Variants in HIBADH observed in about 807,000 individuals in gnomAD.
The protein encoded by HIBADH is 3-hydroxyisobutyrate dehydrogenase, mitochondrial.
A neutral mutation model predicts 36.1 loss-of-function variants in HIBADH; 25 were observed. The observed-to-expected ratio is 0.69, with a 90% CI of 0.50 to 0.97. The LOEUF (loss-of-function observed/expected upper bound fraction) is 0.97, where lower values mean the gene tolerates loss of function less well. Ranked by LOEUF, HIBADH falls within the 50% of genes least tolerant of loss-of-function variation. The probability of loss-of-function intolerance (pLI) is 0.00; values close to 1 mark genes in which losing one functional copy is unlikely to be tolerated. For missense variants in HIBADH, 421 were observed against 418.0 expected, an observed-to-expected ratio of 1.01 and a Z score of -0.06; for synonymous variants, 160 against 149.5, an observed-to-expected ratio of 1.07 and a Z score of -0.51.
chr7:27,643,603 A>G (rs548622117), intron 2 of HIBADH, among the ~76,000 whole-genome samples: 1 of 152,322 alleles, frequency 6.6e-6, no homozygotes, highest in South Asian at 2.1e-4. Context: ...TTCAAAACCT[A>G]CACATTTTGT....
At chr7:27,653,178 A>G (rs1164414692) in intron 1 of HIBADH, among the ~76,000 whole-genome samples, 1 of 152,204 alleles carries the variant, frequency 6.6e-6, no homozygotes, top group East Asian at 1.9e-4. Flanking sequence ...GGGGACATAA[A>G]ATTTCAGTCC....
chr7:27,660,203 G>T (rs1283845848), intron 1 of HIBADH, among the ~76,000 whole-genome samples: 1 of 152,070 alleles, frequency 6.6e-6, no homozygotes, highest in Non-Finnish European at 1.5e-5. Context: ...ATATCCAACA[G>T]AATTCAGAAC....
chr7:27,562,828 T>G (rs1784487129), intron 4 of HIBADH, among the ~76,000 whole-genome samples: 1 of 152,234 alleles, frequency 6.6e-6, no homozygotes, highest in Non-Finnish European at 1.5e-5. Flanking sequence ...CCTTTAGATG[T>G]TCTTTTAATG....
chr7:27,613,087 T>C (rs1785353461), intron 4 of HIBADH, among the ~76,000 whole-genome samples: 2 of 121,986 alleles, frequency 1.6e-5, no homozygotes, highest in Non-Finnish European at 3.3e-5. Flanking sequence ...ATAAAAATTA[T>C]ATAAATTATA....
At chr7:27,589,840 C>T (rs1354588057) in intron 4 of HIBADH, among the ~76,000 whole-genome samples, 2 of 152,142 alleles carry the variant, frequency 1.3e-5, no homozygotes, top group East Asian at 3.9e-4. Context: ...AGTCATACAA[C>T]TAGTAAGTGA....
rs774507604 is a variant in HIBADH, at chr7:27,649,554, A to C, written c.171T>G (p.Asn57Lys). The C allele has an allele frequency of 1.7e-5, 28 of 1,613,800 alleles. No individual in the cohort carries two copies. The highest frequency in any genetic ancestry group is 2.4e-5 in the Non-Finnish European group (28 of 1,179,890). ...TAAGTGGATAGCCATGTTTCATGAG[A>C]TTTTTTGCCATTGGATTCCCCATGT... The part of the protein sequence containing the change: ...LGNMGNPMAK[N>K]LMKHGYPLII... Residue 57 changes from asparagine to lysine, a missense_variant, in exon 2 of 8, where the codon AAT becomes AAG. Physicochemically the swap from Asn to Lys is moderately conservative, Grantham distance 94. Coordinates refer to ENST00000265395, the MANE Select transcript of HIBADH (RefSeq NM_152740.4).
At chr7:27,541,601 A>G in intron 5 of HIBADH, 1 of 265,454 alleles carries the variant, frequency 3.8e-6, no homozygotes, top group Non-Finnish European at 7.3e-6. Flanking sequence ...TGGAGGGCAA[A>G]CGCAGCCGCA....
chr7:27,558,371 T>C (rs1012718843), intron 4 of HIBADH, among the ~76,000 whole-genome samples: 1 of 152,274 alleles, frequency 6.6e-6, no homozygotes, highest in Non-Finnish European at 1.5e-5. Context: ...TCGGTCACCC[T>C]GGCTGGAGTG....
intron 2 of HIBADH, among the ~76,000 whole-genome samples, chr7:27,638,306 G>A (rs1166305816): frequency 2.2e-3 from 24 of 10,916 alleles, no homozygotes; most frequent in African/African-American, 3.2e-3. Context: ...CTTTGGCAAA[G>A]TCAAAAAAAA....
At chr7:27,544,153 T>C (rs1784199283) in intron 4 of HIBADH, among the ~76,000 whole-genome samples, 1 of 152,220 alleles carries the variant, frequency 6.6e-6, no homozygotes, top group Non-Finnish European at 1.5e-5. Context: ...CAGCTGCAGG[T>C]AATGGCCTGC....
chr7:27,576,678 T>A (rs968617880), intron 4 of HIBADH, among the ~76,000 whole-genome samples: 4 of 152,216 alleles, frequency 2.6e-5, no homozygotes, highest in African/African-American at 9.7e-5. Flanking sequence ...GAAATATTCC[T>A]TTTTCCTATA....
At chr7:27,650,504 A>ATTTT (rs533986352) in intron 1 of HIBADH, among the ~76,000 whole-genome samples, 3 of 92,970 alleles carry the variant, frequency 3.2e-5, no homozygotes, top group Non-Finnish European at 4.8e-5. Context: ...TTATTTATTT[A>ATTTT]TTTTTTGAGA....
intron 4 of HIBADH, among the ~76,000 whole-genome samples, chr7:27,579,599 C>T (rs1170205768): frequency 1.3e-5 from 2 of 152,178 alleles, no homozygotes; most frequent in Non-Finnish European, 2.9e-5. Context: ...ACCATTACTT[C>T]GTATTATTAC....
chr7:27,617,471 A>G (rs530523951), intron 4 of HIBADH, among the ~76,000 whole-genome samples: 30 of 152,314 alleles, frequency 2.0e-4, no homozygotes, highest in African/African-American at 7.0e-4. Flanking sequence ...AAACTCAGTT[A>G]CCTGGTTGAA....
chr7:27,657,099 T>C (rs1288516679), intron 1 of HIBADH, among the ~76,000 whole-genome samples: 1 of 152,054 alleles, frequency 6.6e-6, no homozygotes, highest in Non-Finnish European at 1.5e-5. Flanking sequence ...GAAAATGTAA[T>C]GGGGAATAAA....
intron 4 of HIBADH, among the ~76,000 whole-genome samples, chr7:27,556,041 TTTAAC>T (rs1784384355): frequency 6.6e-6 from 1 of 152,192 alleles, no homozygotes; most frequent in African/African-American, 2.4e-5. Context: ...CAGAAAGGAT[TTTAAC>T]TTAATGCAAA....
rs3219776 is a variant in HIBADH at position 27,595,579 on chromosome 7, GGTGTGTGTGTGTGTGTGTGTGT to G, written c.484+33770_484+33791del. ...ATACAGTGTAATTTCCATAAGGGCAGGTGTGTGTGTGTGTGTGTGTGTGTGTGTGTGTGTGTGTGTGTGTGAA... is the reference window on the plus strand; with the variant it reads ...ATACAGTGTAATTTCCATAAGGGCAGGTGTGTGTGTGTGTGTGTGTGTGAA... On this transcript the variant is annotated intron_variant, in intron 4 of 7. Transcript: ENST00000265395. 1.6e-3 allele frequency among the ~76,000 whole-genome samples: 230 copies of G among 143,436 alleles called. 2 individuals carry two copies. Among genetic ancestry groups the G allele is most frequent in the South Asian group, 0.013 (58 of 4,306 alleles). The allele number at this position is 143,436 out of a possible 152,430, so 94.1% of individuals were successfully genotyped here.
At chr7:27,545,755 G>A (rs1784228566) in intron 4 of HIBADH, among the ~76,000 whole-genome samples, 1 of 152,106 alleles carries the variant, frequency 6.6e-6, no homozygotes, top group African/African-American at 2.4e-5. Flanking sequence ...CCCTGTGCTT[G>A]ATTCTATTAC....
In HIBADH at chr7:27,623,720, C is replaced by T. The variant is rs150352487; in HGVS notation, c.484+5651G>A. On this transcript the variant is annotated intron_variant, in intron 4 of 7. Transcript: ENST00000265395. ...TGAAAGATCTCTACAAGAAAAACTA[C>T]AAAACACTGATGAAAGAAATTGAAG... 3.9e-3 allele frequency among the ~76,000 whole-genome samples: 591 copies of T among 152,242 alleles called. 3 individuals are homozygous for T. Among genetic ancestry groups the T allele is most frequent in the Non-Finnish European group, 7.1e-3 (483 of 67,984 alleles).
Sources: allele counts gnomAD v4.1 joint callset (sites outside exome capture counted in the v4.1 genomes callset), GRCh38; gene constraint gnomAD v4.1.1; transcripts MANE v1.5; gene names NCBI Gene and HGNC (gene_info 2026-07-23, HGNC 2026-07-21).